KCNK2: variants seen among roughly 807,000 people sequenced by gnomAD.
KCNK2 encodes potassium two pore domain channel subfamily K member 2.
A neutral mutation model predicts 40.5 loss-of-function variants in KCNK2; 21 were observed. That is an observed-to-expected ratio of 0.52 (90% CI 0.37 to 0.75). KCNK2 has a LOEUF of 0.75. KCNK2 is among the 30% of genes least tolerant of loss of function. The probability of loss-of-function intolerance (pLI) is 0.00; values close to 1 mark genes in which losing one functional copy is unlikely to be tolerated. For synonymous variants in KCNK2, 191 were observed against 202.2 expected (o/e 0.94, Z 0.47); for missense variants, 399 against 531.6 (o/e 0.75, Z 2.45).
chr1:215,047,387 C>A (rs1032958995), intron 1 of KCNK2, among the ~76,000 whole-genome samples: 6 of 152,058 alleles, frequency 3.9e-5, no homozygotes, highest in African/African-American at 1.4e-4. Context: ...TTATTATCTT[C>A]ATTTTAGAGT....
intron 1 of KCNK2, among the ~76,000 whole-genome samples, chr1:215,026,948 C>A (rs2102482506): frequency 6.6e-6 from 1 of 152,134 alleles, no homozygotes; most frequent in East Asian, 1.9e-4. Context: ...TTCATTCTTA[C>A]AACAGGATTT....
chr1:215,175,537 G>T (rs918451004), intron 5 of KCNK2, among the ~76,000 whole-genome samples: 1 of 151,892 alleles, frequency 6.6e-6, no homozygotes, highest in African/African-American at 2.4e-5. Flanking sequence ...GTATGTGCAG[G>T]TTTGTTACCT....
At chr1:215,035,583 A>G (rs2841581) in intron 1 of KCNK2, among the ~76,000 whole-genome samples, 70,855 of 151,928 alleles carry the variant, frequency 0.47, 17,731 homozygotes, top group Non-Finnish European at 0.56. Context: ...TTGTTACACA[A>G]ATCACCTGAG....
intron 3 of KCNK2, among the ~76,000 whole-genome samples, chr1:215,155,321 G>A (rs1662868200): frequency 6.6e-6 from 1 of 151,724 alleles, no homozygotes; most frequent in African/African-American, 2.4e-5. Context: ...TAAAACTGTT[G>A]ATAACATCTT....
At chr1:215,030,924 G>C (rs144980830) in intron 1 of KCNK2, among the ~76,000 whole-genome samples, 6 of 152,184 alleles carry the variant, frequency 3.9e-5, no homozygotes, top group Admixed American at 3.9e-4. Flanking sequence ...GTTTTATGAA[G>C]GATGTAAGAT....
intron 6 of KCNK2, among the ~76,000 whole-genome samples, chr1:215,219,712 C>G (rs1162463160): frequency 1.3e-5 from 2 of 152,082 alleles, no homozygotes; most frequent in East Asian, 1.9e-4. Context: ...ATGTTTATCC[C>G]TTTCATCATC....
intron 5 of KCNK2, among the ~76,000 whole-genome samples, chr1:215,183,719 T>C (rs777922865): frequency 4.6e-5 from 7 of 152,226 alleles, no homozygotes; most frequent in Non-Finnish European, 1.0e-4. Context: ...ATTAAAAACA[T>C]GGTAAAAATT....
intron 1 of KCNK2, among the ~76,000 whole-genome samples, chr1:215,024,212 T>C (rs1221879040): frequency 2.6e-5 from 4 of 152,188 alleles, no homozygotes; most frequent in African/African-American, 9.7e-5. Context: ...TCCATAGGCA[T>C]CTGTGGAACA....
intron 5 of KCNK2, among the ~76,000 whole-genome samples, chr1:215,191,432 C>G (rs1367910599): frequency 6.6e-6 from 1 of 151,980 alleles, no homozygotes; most frequent in South Asian, 2.1e-4. Flanking sequence ...TTTAGGAAAC[C>G]TGCTTTGTGG....
intron 2 of KCNK2, among the ~76,000 whole-genome samples, chr1:215,093,525 T>TAA: frequency 8.9e-6 from 1 of 112,898 alleles, no homozygotes; most frequent in Non-Finnish European, 1.7e-5. Context: ...AGGATATATA[T>TAA]AATATAGAAT....
chr1:215,217,236 C>T (rs4539107), intron 6 of KCNK2, among the ~76,000 whole-genome samples: 29,323 of 152,030 alleles, frequency 0.19, 2,976 homozygotes, highest in Middle Eastern at 0.29. Context: ...CCACCACCCA[C>T]ACCCATGCAA....
At chr1:215,226,632 C>T (rs2102706408) in intron 6 of KCNK2, among the ~76,000 whole-genome samples, 1 of 152,232 alleles carries the variant, frequency 6.6e-6, no homozygotes, top group East Asian at 1.9e-4. Flanking sequence ...GCCAACCTTT[C>T]TTTAACTTCA....
chr1:215,105,613 G>A (rs926526094), intron 2 of KCNK2, among the ~76,000 whole-genome samples: 1 of 151,902 alleles, frequency 6.6e-6, no homozygotes, highest in African/African-American at 2.4e-5. Flanking sequence ...ACTTTTAGAT[G>A]CAGGGAGTAC....
In KCNK2 at chr1:215,046,436, A is replaced by G. The variant is rs1657772275; in HGVS notation, c.35-39932A>G. 2.0e-5 allele frequency among the ~76,000 whole-genome samples: 3 copies of G among 152,142 alleles called. No homozygotes were observed. In the South Asian group the frequency reaches 6.2e-4, roughly 31 times the overall value. ...TTTGACTAAGGTCAAGTTTGATCTT[A>G]GTATTTAAGCATATAGAACTTGGGG... On this transcript the variant is annotated intron_variant, in intron 1 of 6. Coordinates refer to the KCNK2 transcript ENST00000391895.
chr1:215,067,551 G>C (rs917921912), intron 1 of KCNK2, among the ~76,000 whole-genome samples: 1 of 152,122 alleles, frequency 6.6e-6, no homozygotes, highest in Non-Finnish European at 1.5e-5. Context: ...AGAAGACTTT[G>C]AGGAAATCTA....
chr1:215,015,396 G>A (rs1341731434), intron 1 of KCNK2, among the ~76,000 whole-genome samples: 5 of 152,026 alleles, frequency 3.3e-5, no homozygotes, highest in African/African-American at 1.2e-4. Flanking sequence ...GAATTAGCAG[G>A]TTCTAAGCCA....
At chr1:215,166,069 C>T (rs1008083386) in intron 3 of KCNK2, among the ~76,000 whole-genome samples, 9 of 152,106 alleles carry the variant, frequency 5.9e-5, no homozygotes, top group Non-Finnish European at 1.2e-4. Context: ...TATCTAACAT[C>T]TTAAAAGATT....
At chr1:215,178,101 A>G (rs1177424515) in intron 5 of KCNK2, among the ~76,000 whole-genome samples, 1 of 151,756 alleles carries the variant, frequency 6.6e-6, no homozygotes, top group East Asian at 1.9e-4. Context: ...CCTTGGCTAG[A>G]TGTATTCCTG....
Position 215,083,136 on chromosome 1 carries a change from G to A in KCNK2, c.-250G>A, listed in dbSNP as rs1659246111. ...CCAAGCCCAACTTGGCCTCCGCCTC[G>A]CCCTCTGCCCAGCCCGCCGGTGTCC... On this transcript the variant is annotated 5_prime_UTR_variant, in exon 1 of 7. Transcript: ENST00000444842. The A allele has an allele frequency of 2.7e-6, 2 of 749,424 alleles. No individual in the cohort carries two copies. Among genetic ancestry groups the A allele is most frequent in the Non-Finnish European group, 4.3e-6 (2 of 466,428 alleles). 46.4% of individuals were successfully genotyped at this position (749,424 alleles called of 1,614,324 possible).
Sources: allele counts gnomAD v4.1 joint callset (sites outside exome capture counted in the v4.1 genomes callset), GRCh38; gene constraint gnomAD v4.1.1; transcripts MANE v1.5; gene names NCBI Gene and HGNC (gene_info 2026-07-23, HGNC 2026-07-21).